RNFT2: variants seen among roughly 807,000 people sequenced by gnomAD.
The protein encoded by RNFT2 is E3 ubiquitin-protein ligase RNFT2.
RNFT2 carries 36 observed loss-of-function variants against 53.0 expected under a neutral mutation model. The observed-to-expected ratio is 0.68, with a 90% CI of 0.52 to 0.90. The LOEUF (loss-of-function observed/expected upper bound fraction) is 0.90, where lower values mean the gene tolerates loss of function less well. Among genes scored for constraint, RNFT2 ranks in the 40% least tolerant of loss-of-function variants. The pLI is 0.00. For missense variants in RNFT2, 514 were observed against 585.6 expected, an observed-to-expected ratio of 0.88 and a Z score of 1.26; for synonymous variants, 260 against 253.2, an observed-to-expected ratio of 1.03 and a Z score of -0.26.
intron 3 of RNFT2, among the ~76,000 whole-genome samples, chr12:116,749,043 G>T (rs1469373083): frequency 6.6e-6 from 1 of 152,166 alleles, no homozygotes; most frequent in Non-Finnish European, 1.5e-5. Flanking sequence ...ACGACCTATT[G>T]TTATTAATAT....
At chr12:116,799,173 C>T (rs1874648871) in intron 7 of RNFT2, among the ~76,000 whole-genome samples, 1 of 152,174 alleles carries the variant, frequency 6.6e-6, no homozygotes, top group Non-Finnish European at 1.5e-5. Flanking sequence ...GGCTGCCATC[C>T]AGGTCACTCT....
At chr12:116,778,882 C>CCT (rs369022617) in intron 6 of RNFT2, among the ~76,000 whole-genome samples, 112 of 152,254 alleles carry the variant, frequency 7.4e-4, no homozygotes, top group African/African-American at 2.6e-3. Context: ...CCACCTCTTT[C>CCT]CTCTATAAGT....
At chr12:116,810,218 A>T (rs1220954515) in intron 7 of RNFT2, among the ~76,000 whole-genome samples, 2 of 152,142 alleles carry the variant, frequency 1.3e-5, no homozygotes, top group Admixed American at 6.5e-5. Context: ...AAAACAGAGA[A>T]TGGACACCTA....
chr12:116,778,439 G>T (rs902755672), intron 6 of RNFT2, among the ~76,000 whole-genome samples: 1 of 152,218 alleles, frequency 6.6e-6, no homozygotes, highest in East Asian at 1.9e-4. Context: ...CTGGGGTTTT[G>T]TCTGCTTCCC....
intron 3 of RNFT2, among the ~76,000 whole-genome samples, chr12:116,743,106 A>T (rs1358604790): frequency 7.0e-5 from 8 of 114,536 alleles, no homozygotes; most frequent in African/African-American, 9.4e-5. Flanking sequence ...AAAAAAAAAA[A>T]GGTTAAATGA....
intron 7 of RNFT2, among the ~76,000 whole-genome samples, chr12:116,831,992 G>A (rs1041589387): frequency 4.8e-4 from 72 of 151,430 alleles, no homozygotes; most frequent in Middle Eastern, 3.4e-3. Flanking sequence ...TTAGCCAGGC[G>A]TGGTGGTGTG....
At chr12:116,750,859 T>TA (rs372543590) in intron 4 of RNFT2, among the ~76,000 whole-genome samples, 12 of 3,118 alleles carry the variant, frequency 3.8e-3, no homozygotes, top group East Asian at 0.021. Flanking sequence ...ATAATATATA[T>TA]TATATATATA....
chr12:116,852,039 C>T lies in RNFT2; in HGVS notation c.*2591C>T, dbSNP rs962536990. The T allele has an allele frequency of 4.1e-6, 5 of 1,232,570 alleles. No individual in the cohort carries two copies. In the African/African-American group the frequency reaches 4.6e-5, roughly 11 times the overall value. The allele number at this position is 1,232,570 out of a possible 1,614,324, so 76.4% of individuals were successfully genotyped here. A position where few individuals can be genotyped will look rare whatever the true frequency, so the allele number is the denominator to read the frequency against. On this transcript the variant is annotated 3_prime_UTR_variant, in exon 11 of 11. Transcript: ENST00000257575. ...GTAACCATCTGTGCTTCTGTGATCT[C>T]TATGACAGAGCCACTTCTCCACCTC...
intron 7 of RNFT2, among the ~76,000 whole-genome samples, chr12:116,787,759 G>T (rs1350938850): frequency 6.6e-6 from 1 of 151,504 alleles, no homozygotes; most frequent in African/African-American, 2.4e-5. Context: ...ATGTGTGTAT[G>T]AAGAGTTATC....
At chr12:116,750,873 TATATATATTATATATATA>T (rs1592937569) in intron 4 of RNFT2, among the ~76,000 whole-genome samples, 15 of 1,100 alleles carry the variant, frequency 0.014, no homozygotes, top group Admixed American at 0.016. Context: ...ATATATATAA[TATATATATTATATATATA>T]ATATATATAT....
rs191442329 is a variant in RNFT2, at chr12:116,750,810, A to T, written c.550+503A>T. On this transcript the variant is annotated intron_variant, in intron 4 of 10. Coordinates refer to ENST00000257575, the MANE Select transcript of RNFT2 (RefSeq NM_001382266.1). ...ATATGTGTGTGTGTATATATATATA[A>T]TATATATATTATATATATAATATAT... Among the ~76,000 whole-genome samples the T allele has an allele frequency of 4.3e-3, 53 of 12,292 alleles. 1 individual carries two copies. The highest frequency in any genetic ancestry group is 0.012 in the African/African-American group (41 of 3,326). The allele number at this position is 12,292 out of a possible 152,430, so 8.1% of individuals were successfully genotyped here. A position where few individuals can be genotyped will look rare whatever the true frequency, so the allele number is the denominator to read the frequency against.
chr12:116,852,013 C>CG lies in RNFT2; in HGVS notation c.*2566dup. On this transcript the variant is annotated 3_prime_UTR_variant, in exon 11 of 11. Coordinates refer to ENST00000257575, the MANE Select transcript of RNFT2 (RefSeq NM_001382266.1). ...CAACCAGGGTAGTGGCATGGAGCAC[C>CG]GTAACCATCTGTGCTTCTGTGATCT... 2 of 1,357,826 alleles carry CG rather than the reference C, an allele frequency of 1.5e-6. No individual in the cohort carries two copies. The highest frequency in any genetic ancestry group is 2.0e-6 in the Non-Finnish European group (2 of 1,020,204). The allele number at this position is 1,357,826 out of a possible 1,614,324, so 84.1% of individuals were successfully genotyped here. A position where few individuals can be genotyped will look rare whatever the true frequency, so the allele number is the denominator to read the frequency against.
At chr12:116,763,772 C>T (rs571483067) in intron 5 of RNFT2, among the ~76,000 whole-genome samples, 63 of 145,192 alleles carry the variant, frequency 4.3e-4, no homozygotes, top group African/African-American at 1.6e-3. Flanking sequence ...GAGCGAGACT[C>T]CATCTCAAAA....
chr12:116,843,492 C>CAAA lies in RNFT2; in HGVS notation c.1201-5801_1201-5799dup, dbSNP rs35687933. On this transcript the variant is annotated intron_variant, in intron 10 of 10. Coordinates refer to ENST00000257575, the MANE Select transcript of RNFT2 (RefSeq NM_001382266.1). Reference sequence around the variant, plus strand: ...CAGGTGATAGAGTGTGACTGTGTCTCAAAAAAAAAAAAAAAAAAAAAAACC... The same window carrying CAAA: ...CAGGTGATAGAGTGTGACTGTGTCTCAAAAAAAAAAAAAAAAAAAAAAAAAACC... 4.3e-3 allele frequency among the ~76,000 whole-genome samples: 278 copies of CAAA among 64,356 alleles called. 2 individuals carry two copies. The highest frequency in any genetic ancestry group is 0.011 in the African/African-American group (174 of 15,544). 42.2% of individuals were successfully genotyped at this position (64,356 alleles called of 152,430 possible).
At chr12:116,835,824 G>A (rs1270050953) in intron 8 of RNFT2, 136 bp from the exon 9 acceptor site, 5 of 805,424 alleles carry the variant, frequency 6.2e-6, no homozygotes, top group Non-Finnish European at 6.2e-6. Context: ...AGGAAGAAGT[G>A]CAAATGAGAA....
At chr12:116,776,916 A>ATTTTTTT (rs10634667) in intron 6 of RNFT2, among the ~76,000 whole-genome samples, 3 of 125,922 alleles carry the variant, frequency 2.4e-5, no homozygotes, top group African/African-American at 3.0e-5. Context: ...TCAAAATGGG[A>ATTTTTTT]TTTTTTTTTT....
intron 7 of RNFT2, among the ~76,000 whole-genome samples, chr12:116,787,261 C>T (rs1873976303): frequency 6.6e-6 from 1 of 152,234 alleles, no homozygotes; most frequent in Non-Finnish European, 1.5e-5. Flanking sequence ...ACCAGGAGAT[C>T]ATCTGCCAGA....
At chr12:116,841,979 A>ATT (rs1877364212) in intron 10 of RNFT2, among the ~76,000 whole-genome samples, 1 of 139,236 alleles carries the variant, frequency 7.2e-6, no homozygotes, top group South Asian at 2.2e-4. Flanking sequence ...AGAGAGAGAG[A>ATT]GAGAGAGGGA....
At chr12:116,780,523 A>G (rs1341036443) in intron 7 of RNFT2, among the ~76,000 whole-genome samples, 1 of 152,062 alleles carries the variant, frequency 6.6e-6, no homozygotes, top group African/African-American at 2.4e-5. Flanking sequence ...CCTGGTTCCT[A>G]ACAGGCCACA....
Sources: allele counts gnomAD v4.1 joint callset (sites outside exome capture counted in the v4.1 genomes callset), GRCh38; gene constraint gnomAD v4.1.1; transcripts MANE v1.5; gene names NCBI Gene and HGNC (gene_info 2026-07-23, HGNC 2026-07-21).